CIAPIN1: variants seen among roughly 807,000 people sequenced by gnomAD.
CIAPIN1 encodes anamorsin.
A neutral mutation model predicts 34.3 loss-of-function variants in CIAPIN1; 18 were observed. The observed-to-expected ratio is 0.52, with a 90% CI of 0.36 to 0.78. CIAPIN1 has a LOEUF of 0.78. Among genes scored for constraint, CIAPIN1 ranks in the 30% least tolerant of loss-of-function variants. The pLI is 0.00. For synonymous variants in CIAPIN1, 131 were observed against 140.4 expected, an observed-to-expected ratio of 0.93 and a Z score of 0.47; for missense variants, 310 against 372.5, an observed-to-expected ratio of 0.83 and a Z score of 1.38.
chr16:57,447,035 C>T (rs1005612373), intron 1 of CIAPIN1, among the ~76,000 whole-genome samples: 10 of 152,336 alleles, frequency 6.6e-5, no homozygotes, highest in African/African-American at 2.4e-4. Flanking sequence ...ATCCCAAGCT[C>T]GGAGCCGTTT....
intron 1 of CIAPIN1, among the ~76,000 whole-genome samples, chr16:57,441,924 A>C (rs1903342040): frequency 6.6e-6 from 1 of 152,258 alleles, no homozygotes; most frequent in South Asian, 2.1e-4. Flanking sequence ...GTGGTAGAGG[A>C]GTCAAAATGG....
chr16:57,442,928 C>A (rs1394479139), intron 1 of CIAPIN1, among the ~76,000 whole-genome samples: 1 of 151,980 alleles, frequency 6.6e-6, no homozygotes, highest in Non-Finnish European at 1.5e-5. Context: ...CTATGAAAAC[C>A]CTTTGCATTT....
chr16:57,436,799 T>C, intron 3 of CIAPIN1, 67 bp from the exon 4 acceptor site: 1 of 1,342,942 alleles, frequency 7.4e-7, no homozygotes. Flanking sequence ...AAAGGCTCAA[T>C]CCTATATGGG....
At chr16:57,445,910 A>G (rs1204313764) in intron 1 of CIAPIN1, among the ~76,000 whole-genome samples, 2 of 124,382 alleles carry the variant, frequency 1.6e-5, no homozygotes, top group African/African-American at 3.2e-5. Flanking sequence ...CAATGGCACA[A>G]TCTTGGCTCA....
intron 1 of CIAPIN1, among the ~76,000 whole-genome samples, chr16:57,445,917 C>T (rs172781): frequency 0.03 from 4,179 of 138,938 alleles, 80 homozygotes; most frequent in Middle Eastern, 0.091. Context: ...ACAATCTTGG[C>T]TCACTGCAAC....
chr16:57,442,338 C>A (rs1205385035), intron 1 of CIAPIN1, among the ~76,000 whole-genome samples: 1 of 151,628 alleles, frequency 6.6e-6, no homozygotes, highest in African/African-American at 2.4e-5. Context: ...GAGCGAGACT[C>A]CGTCTCAAAA....
In CIAPIN1 at chr16:57,432,502, C is replaced by T; in HGVS notation, c.615G>A (p.Met205Ile). ...GCCAGCTCACCATGCTGTCGTCCTC[C>T]ATATCGTTGGCTGAGAGGGTCCACA... ...AKLWTLSANDMEDDSMDLIDS... is the reference protein window; with the variant it reads ...AKLWTLSANDIEDDSMDLIDS... The change falls in exon 6 of 9, where the codon ATG becomes ATA. Residue 205 changes from methionine to isoleucine, a missense_variant. Transcript: ENST00000394391. The T allele has an allele frequency of 8.1e-6, 13 of 1,613,674 alleles. No homozygotes were observed. The highest frequency in any genetic ancestry group is 1.1e-5 in the Non-Finnish European group (13 of 1,179,908).
At chr16:57,443,133 G>GTTTTT (rs59690029) in intron 1 of CIAPIN1, among the ~76,000 whole-genome samples, 2 of 122,300 alleles carry the variant, frequency 1.6e-5, no homozygotes, top group Non-Finnish European at 3.4e-5. Context: ...TTCTGGTTTT[G>GTTTTT]TTTTTTTTTT....
intron 1 of CIAPIN1, among the ~76,000 whole-genome samples, chr16:57,443,090 A>G (rs2029909226): frequency 6.6e-6 from 1 of 151,506 alleles, no homozygotes; most frequent in Non-Finnish European, 1.5e-5. Flanking sequence ...ATGGAAAAAA[A>G]AAAAGAAAAA....
intron 1 of CIAPIN1, 102 bp from the exon 2 acceptor site, chr16:57,441,085 T>C (rs750602345): frequency 3.4e-5 from 23 of 670,564 alleles, no homozygotes; most frequent in Non-Finnish European, 4.9e-5. Context: ...CTGACAACAT[T>C]AGAAACTCTA....
At chr16:57,433,974 T>C in intron 5 of CIAPIN1, 70 bp downstream of exon 5, 2 of 1,354,566 alleles carry the variant, frequency 1.5e-6, no homozygotes, top group Non-Finnish European at 2.1e-6. Flanking sequence ...TCTCATTTAT[T>C]GCTGGCTCAA....
In CIAPIN1 at chr16:57,432,492, T is replaced by C. The variant is rs1249933935; in HGVS notation, c.625A>G (p.Ser209Gly). The change falls in exon 6 of 9, where the codon AGC becomes GGC. Residue 209 changes from serine to glycine, a missense_variant. Ser to Gly is a moderately conservative substitution (Grantham distance 56). Transcript: ENST00000394391. Reference sequence around the variant, plus strand: ...TGACAATGCTGCCAGCTCACCATGCTGTCGTCCTCCATATCGTTGGCTGAG... The same window carrying C: ...TGACAATGCTGCCAGCTCACCATGCCGTCGTCCTCCATATCGTTGGCTGAG... The part of the protein sequence containing the change: ...TLSANDMEDD[S>G]MDLIDSDELL... 2 of 1,613,610 alleles carry C rather than the reference T, an allele frequency of 1.2e-6. No individual in the cohort carries two copies. Among genetic ancestry groups the C allele is most frequent in the Non-Finnish European group, 1.7e-6 (2 of 1,179,848 alleles).
intron 5 of CIAPIN1, chr16:57,433,689 C>T (rs530118998): frequency 1.6e-4 from 40 of 252,742 alleles, no homozygotes; most frequent in Non-Finnish European, 2.7e-4. Flanking sequence ...GAACAGGGCA[C>T]TCTCATACAC....
intron 1 of CIAPIN1, chr16:57,441,549 T>C (rs1903332571): frequency 6.6e-6 from 1 of 152,238 alleles, no homozygotes; most frequent in South Asian, 2.1e-4. Flanking sequence ...AAGCATCTTC[T>C]AAACATTATC....
intron 1 of CIAPIN1, among the ~76,000 whole-genome samples, chr16:57,442,824 G>C (rs17376171): frequency 0.042 from 6,440 of 152,204 alleles, 185 homozygotes; most frequent in Middle Eastern, 0.082. Flanking sequence ...GGTTTTATTT[G>C]CTAGACTGAT....
At chr16:57,433,727 G>A (rs1903139712) in intron 5 of CIAPIN1, 3 of 347,592 alleles carry the variant, frequency 8.6e-6, no homozygotes, top group South Asian at 6.9e-5. Flanking sequence ...GAGGTCTTCT[G>A]AGGAGAAACG....
intron 4 of CIAPIN1, 29 bp from the exon 5 acceptor site, chr16:57,434,241 T>C: frequency 6.2e-7 from 1 of 1,610,858 alleles, no homozygotes. Context: ...AAAGGATTAG[T>C]TCACCCTCCT....
rs1024591648 is a variant in CIAPIN1 at position 57,429,550 on chromosome 16, G to A, written c.829-270C>T. On this transcript the variant is annotated intron_variant, in intron 8 of 8. Transcript: ENST00000394391. ...TCTGTCACCCAGGCTGGAGTGCAGT[G>A]GCGCGATCTCAGCTCACTGCAAGCT... Among the ~76,000 whole-genome samples the A allele has an allele frequency of 3.9e-5, 6 of 151,980 alleles. No individual in the cohort carries two copies. In the East Asian group the frequency reaches 5.8e-4, roughly 15 times the overall value.
chr16:57,434,297 C>G, intron 4 of CIAPIN1, 85 bp from the exon 5 acceptor site: 1 of 1,243,060 alleles, frequency 8.0e-7, no homozygotes, highest in Non-Finnish European at 1.2e-6. Context: ...GTCAAAGACT[C>G]ATTTCTGTGC....
Sources: gnomAD v4.1 joint callset for allele counts (sites outside exome capture counted in the v4.1 genomes callset) on GRCh38, gnomAD v4.1.1 for gene constraint, MANE v1.5 for transcripts, NCBI Gene and HGNC (gene_info 2026-07-23, HGNC 2026-07-21) for gene names.